The following SWT1 variants were observed in gnomAD, a reference collection of about 807,000 sequenced individuals.
SWT1 encodes the protein SWT1 RNA endoribonuclease homolog.
In SWT1, 33 loss-of-function variants were observed where a neutral mutation model predicts 107.3. That is an observed-to-expected ratio of 0.31 (90% CI 0.23 to 0.41). The LOEUF (loss-of-function observed/expected upper bound fraction) is 0.41. SWT1 is among the 10% of genes least tolerant of loss of function. The pLI is 1.00. For synonymous variants in SWT1, 345 were observed against 348.3 expected (o/e 0.99, Z 0.11); for missense variants, 898 against 1,028.9 (o/e 0.87, Z 1.74).
chr1:185,175,568 T>G (rs1279373887), intron 5 of SWT1, among the ~76,000 whole-genome samples: 1 of 152,190 alleles, frequency 6.6e-6, no homozygotes, highest in Non-Finnish European at 1.5e-5. Context: ...CATAGATGGC[T>G]GATTCAAATT....
At chr1:185,275,739 A>G (rs1394963250) in intron 17 of SWT1, among the ~76,000 whole-genome samples, 1 of 152,034 alleles carries the variant, frequency 6.6e-6, no homozygotes, top group African/African-American at 2.4e-5. Flanking sequence ...CTACACAAAT[A>G]TGGTAAACTT....
intron 16 of SWT1, among the ~76,000 whole-genome samples, chr1:185,233,307 C>T (rs576495186): frequency 1.6e-3 from 238 of 152,292 alleles, no homozygotes; most frequent in African/African-American, 5.5e-3. Flanking sequence ...TCCTTCATTT[C>T]TGCTCTGATC....
At chr1:185,174,173 G>A (rs1287411469) in intron 4 of SWT1, among the ~76,000 whole-genome samples, 199 bp from the exon 5 acceptor site, 2 of 152,112 alleles carry the variant, frequency 1.3e-5, no homozygotes, top group Non-Finnish European at 2.9e-5. Flanking sequence ...ATTTAAAGTT[G>A]TAATTTTTTT....
chr1:185,281,554 CA>C, intron 18 of SWT1: 1 of 240,642 alleles, frequency 4.2e-6, no homozygotes, highest in Admixed American at 4.8e-5. Context: ...AGGATGTCTT[CA>C]ACCTGCTGCC....
At chr1:185,286,645 A>G (rs1470628116) in intron 18 of SWT1, among the ~76,000 whole-genome samples, 1 of 152,168 alleles carries the variant, frequency 6.6e-6, no homozygotes, top group African/African-American at 2.4e-5. Flanking sequence ...TAGAAATACA[A>G]TTGATTTTGT....
At chr1:185,259,901 T>G (rs1662901211) in intron 16 of SWT1, among the ~76,000 whole-genome samples, 1 of 152,200 alleles carries the variant, frequency 6.6e-6, no homozygotes, top group African/African-American at 2.4e-5. Flanking sequence ...TAAAGAGAGA[T>G]ACCCTGATGA....
intron 13 of SWT1, among the ~76,000 whole-genome samples, chr1:185,213,431 G>T (rs1658980386): frequency 6.6e-6 from 1 of 152,150 alleles, no homozygotes; most frequent in African/African-American, 2.4e-5. Context: ...CCAGAGGCTT[G>T]GCTACAACCA....
chr1:185,237,267 C>T (rs565722670), intron 16 of SWT1, among the ~76,000 whole-genome samples: 2 of 152,218 alleles, frequency 1.3e-5, no homozygotes, highest in Non-Finnish European at 2.9e-5. Flanking sequence ...TTTATTGCAG[C>T]GGTGTTCACA....
chr1:185,213,310 C>T (rs757458485), intron 13 of SWT1, among the ~76,000 whole-genome samples: 6 of 152,140 alleles, frequency 3.9e-5, no homozygotes, highest in Admixed American at 6.5e-5. Context: ...TCTCATTACC[C>T]ACAGGAATTT....
chr1:185,162,783 G>A (rs1043861814), intron 2 of SWT1, among the ~76,000 whole-genome samples: 2 of 151,660 alleles, frequency 1.3e-5, no homozygotes, highest in Non-Finnish European at 2.9e-5. Flanking sequence ...TATACTATAC[G>A]GTAGTCTATT....
At position 185,204,795 on chromosome 1, in the gene SWT1, C is replaced by G; in HGVS notation, c.1765C>G (p.Leu589Val). The G allele has an allele frequency of 6.3e-7, 1 of 1,594,228 alleles. No individual in the cohort carries two copies. The highest frequency in any genetic ancestry group is 8.5e-7 in the Non-Finnish European group (1 of 1,171,518). The change falls in exon 12 of 19, where the codon CTT becomes GTT. Residue 589 changes from leucine (L) to valine (V), a missense_variant. Leu to Val is a conservative substitution (Grantham distance 32). Transcript: ENST00000367500. ...ESIVSDLEKS[L>V]GTGLSSILET... ...CATTGTATCTGATCTTGAAAAATCTCTTGGAACAGGTTTATCTTCAATATT... is the reference window on the plus strand; with the variant it reads ...CATTGTATCTGATCTTGAAAAATCTGTTGGAACAGGTTTATCTTCAATATT...
intron 7 of SWT1, among the ~76,000 whole-genome samples, chr1:185,182,346 A>G (rs562297632): frequency 6.6e-6 from 1 of 152,160 alleles, no homozygotes; most frequent in Admixed American, 6.5e-5. Flanking sequence ...AACTTTAACA[A>G]TTTCAATGAT....
intron 10 of SWT1, among the ~76,000 whole-genome samples, chr1:185,196,422 T>A (rs1448316835): frequency 6.6e-6 from 1 of 152,220 alleles, no homozygotes; most frequent in South Asian, 2.1e-4. Context: ...GGTAATGTGA[T>A]GCCTCCAGCT....
At chr1:185,213,989 T>C (rs1029681184) in intron 13 of SWT1, among the ~76,000 whole-genome samples, 3 of 152,198 alleles carry the variant, frequency 2.0e-5, no homozygotes, top group Non-Finnish European at 2.9e-5. Context: ...GTGTTGTACA[T>C]ATAGAGATAA....
chr1:185,251,795 TA>T (rs1164369291), intron 16 of SWT1, among the ~76,000 whole-genome samples: 7 of 150,730 alleles, frequency 4.6e-5, no homozygotes, highest in Admixed American at 6.6e-5. Flanking sequence ...TATATATATA[TA>T]TATTTTTTTT....
chr1:185,196,972 A>G (rs1657445267), intron 10 of SWT1, among the ~76,000 whole-genome samples: 1 of 152,194 alleles, frequency 6.6e-6, no homozygotes, highest in Non-Finnish European at 1.5e-5. Context: ...TGCCCTGGCC[A>G]GAACTTCCCG....
At chr1:185,225,383 C>T (rs950580387) in intron 15 of SWT1, among the ~76,000 whole-genome samples, 4 of 151,884 alleles carry the variant, frequency 2.6e-5, no homozygotes, top group Non-Finnish European at 5.9e-5. Context: ...ATTTTCTTGC[C>T]GTGTCCTTGT....
intron 15 of SWT1, chr1:185,226,994 C>A (rs1240886639): frequency 1.1e-6 from 1 of 874,598 alleles, no homozygotes; most frequent in East Asian, 2.4e-5. Context: ...TCTCCTCCAT[C>A]ATGTCTGGAG....
intron 16 of SWT1, chr1:185,263,758 A>G (rs1663191300): frequency 6.6e-6 from 1 of 152,228 alleles, no homozygotes; most frequent in African/African-American, 2.4e-5. Flanking sequence ...CCAAAGTCAC[A>G]TAAAGATGAA....
Sources: gnomAD v4.1 joint callset for allele counts (sites outside exome capture counted in the v4.1 genomes callset) on GRCh38, gnomAD v4.1.1 for gene constraint, MANE v1.5 for transcripts, NCBI Gene and HGNC (gene_info 2026-07-23, HGNC 2026-07-21) for gene names.